Variants in DYRK1A observed in about 807,000 individuals in gnomAD.
DYRK1A encodes dual specificity tyrosine phosphorylation regulated kinase 1A.
Under a neutral mutation model 79.7 loss-of-function variants are expected in DYRK1A, and 9 were observed. That is an observed-to-expected ratio of 0.11 (90% CI 0.07 to 0.20). The LOEUF (loss-of-function observed/expected upper bound fraction) is 0.20. Ranked by LOEUF, DYRK1A falls within the 10% of genes least tolerant of loss-of-function variation. DYRK1A has a pLI of 1.00. For missense variants in DYRK1A, 622 were observed against 956.0 expected (o/e 0.65, Z 4.61); for synonymous variants, 349 against 329.7 (o/e 1.06, Z -0.63).
rs1283338502 is a variant in DYRK1A at position 37,521,994 on chromosome 21, T to C, written c.*9463T>C. ...GGGCCTGGGAATGGCCAATTTCTGG[T>C]CATTCTCATATAGGCAACTGATGGC... On this transcript the variant is annotated 3_prime_UTR_variant, in exon 12 of 12. Transcript: ENST00000647188. 1 of 152,190 alleles carries C rather than the reference T, an allele frequency of 6.6e-6. No individual in the cohort carries two copies. Among genetic ancestry groups the C allele is most frequent in the Non-Finnish European group, 1.5e-5 (1 of 68,078 alleles). 9.4% of individuals were successfully genotyped at this position (152,190 alleles called of 1,614,324 possible).
intron 1 of DYRK1A, among the ~76,000 whole-genome samples, chr21:37,407,598 A>G (rs1437405382): frequency 6.6e-6 from 1 of 152,204 alleles, no homozygotes; most frequent in Non-Finnish European, 1.5e-5. Flanking sequence ...CACTTTCCAC[A>G]TTTGATAAAG....
rs767564576 is a variant in DYRK1A at position 37,519,087 on chromosome 21, C to T, written c.*6556C>T. On this transcript the variant is annotated 3_prime_UTR_variant, in exon 12 of 12. Transcript: ENST00000647188. ...ACAGTTTGTTCCTTTTTGTTGTCTT[C>T]CCTTGTGGAGATGGGTCAGTGTAAC... 2.0e-5 allele frequency: 3 copies of T among 152,156 alleles called. No homozygotes were observed. The highest frequency in any genetic ancestry group is 4.4e-5 in the Non-Finnish European group (3 of 68,034). The allele number at this position is 152,156 out of a possible 1,614,324, so 9.4% of individuals were successfully genotyped here.
rs1450336361 is a variant in DYRK1A, at chr21:37,512,186, C to T, written c.1920C>T (p.Gly640=). The change falls in exon 12 of 12, where the codon GGC becomes GGT. Residue 640 remains glycine (G), a synonymous_variant. Coordinates refer to ENST00000647188, the MANE Select transcript of DYRK1A (RefSeq NM_001347721.2). ...CTACCCAAGATTCTATGGAGGTTGG[C>T]CACAGTCACCACTCCATGACATCCC... ...SSSTQDSMEV[G]HSHHSMTSLS... 3.1e-6 allele frequency: 5 copies of T among 1,614,196 alleles called. No individual in the cohort carries two copies. The highest frequency in any genetic ancestry group is 4.2e-6 in the Non-Finnish European group (5 of 1,180,024).
chr21:37,447,284 A>C (rs2051304321), intron 2 of DYRK1A, among the ~76,000 whole-genome samples: 1 of 152,130 alleles, frequency 6.6e-6, no homozygotes, highest in Non-Finnish European at 1.5e-5. Flanking sequence ...GGGGAAAGTG[A>C]CAATGACACA....
At chr21:37,483,757 T>C (rs1338311187) in intron 5 of DYRK1A, among the ~76,000 whole-genome samples, 2 of 151,884 alleles carry the variant, frequency 1.3e-5, no homozygotes, top group Non-Finnish European at 2.9e-5. Flanking sequence ...TAATTTGTTG[T>C]TTTTTTGTAG....
At chr21:37,399,839 A>C (rs2050022320) in intron 1 of DYRK1A, among the ~76,000 whole-genome samples, 4 of 152,218 alleles carry the variant, frequency 2.6e-5, no homozygotes, top group Non-Finnish European at 5.9e-5. Flanking sequence ...TAAGAATACA[A>C]ACACAGGTTG....
intron 1 of DYRK1A, among the ~76,000 whole-genome samples, chr21:37,404,997 T>TA (rs979563748): frequency 2.8e-4 from 43 of 152,228 alleles, no homozygotes; most frequent in African/African-American, 1.0e-3. Flanking sequence ...GTTTTGCTCT[T>TA]ACGGCATGTA....
At chr21:37,499,002 G>A (rs752675727) in intron 9 of DYRK1A, among the ~76,000 whole-genome samples, 1 of 152,040 alleles carries the variant, frequency 6.6e-6, no homozygotes, top group Non-Finnish European at 1.5e-5. Flanking sequence ...TAATTGAGTA[G>A]TCCTTTGTCA....
intron 1 of DYRK1A, among the ~76,000 whole-genome samples, chr21:37,380,697 C>G (rs1184086553): frequency 6.6e-6 from 1 of 151,266 alleles, no homozygotes; most frequent in Non-Finnish European, 1.5e-5. Context: ...GGGATTTAAG[C>G]AAATAGATGA....
chr21:37,440,313 T>C (rs994002571), intron 2 of DYRK1A, among the ~76,000 whole-genome samples: 3 of 151,578 alleles, frequency 2.0e-5, no homozygotes, highest in Admixed American at 2.0e-4. Flanking sequence ...TTTTTTGTAT[T>C]TTTAGTAGAG....
intron 1 of DYRK1A, among the ~76,000 whole-genome samples, chr21:37,386,420 C>T (rs2049761648): frequency 6.6e-6 from 1 of 152,146 alleles, no homozygotes; most frequent in African/African-American, 2.4e-5. Flanking sequence ...ACGTCGGGGC[C>T]TTCATGGACG....
chr21:37,422,226 A>G lies in DYRK1A; in HGVS notation c.10+1842A>G, dbSNP rs141048045. ...GGAAAAAACCCAGGAAAGAAGATCT[A>G]GCTGTCTAATAAATATATTAGCTGT... On this transcript the variant is annotated intron_variant, in intron 2 of 11. Transcript: ENST00000647188. Among the ~76,000 whole-genome samples, 1,298 of 152,294 alleles carry G rather than the reference A, an allele frequency of 8.5e-3. 14 individuals carry two copies. The highest frequency in any genetic ancestry group is 0.019 in the South Asian group (94 of 4,828).
At chr21:37,370,615 A>G (rs183859799) in intron 1 of DYRK1A, among the ~76,000 whole-genome samples, 8 of 152,320 alleles carry the variant, frequency 5.3e-5, no homozygotes, top group African/African-American at 1.7e-4. Flanking sequence ...CCTCCCCAAG[A>G]AAAAACTTAT....
At chr21:37,502,943 T>A (rs1220202828) in intron 9 of DYRK1A, 13 of 152,192 alleles carry the variant, frequency 8.5e-5, no homozygotes, top group Non-Finnish European at 1.5e-5. Flanking sequence ...TAAAGATGTA[T>A]TGACTTTTTT....
chr21:37,451,966 C>T (rs903265639), intron 2 of DYRK1A, among the ~76,000 whole-genome samples: 3 of 151,978 alleles, frequency 2.0e-5, no homozygotes, highest in South Asian at 2.1e-4. Flanking sequence ...AAGAGAAGAG[C>T]GAAGAGCTGC....
chr21:37,429,737 G>A (rs762025766), intron 2 of DYRK1A, among the ~76,000 whole-genome samples: 4 of 152,214 alleles, frequency 2.6e-5, no homozygotes, highest in Non-Finnish European at 5.9e-5. Flanking sequence ...GTTAAATTCA[G>A]ACTTGTTCTT....
intron 1 of DYRK1A, among the ~76,000 whole-genome samples, chr21:37,383,832 GGTGTATGTGT>G (rs1049877489): frequency 8.7e-5 from 10 of 115,480 alleles, no homozygotes; most frequent in Admixed American, 7.3e-4. Context: ...GATAGGTAAT[GGTGTATGTGT>G]GTGTGTGTGT....
At chr21:37,495,961 G>C (rs930267007) in intron 8 of DYRK1A, 157 bp from the exon 9 acceptor site, 12 of 609,970 alleles carry the variant, frequency 2.0e-5, no homozygotes, top group African/African-American at 1.9e-4. Context: ...AGGAAGGTAG[G>C]GCCTTTCTTG....
At chr21:37,493,225 A>G (rs2053156287) in intron 8 of DYRK1A, 62 bp downstream of exon 8, 1 of 1,509,302 alleles carries the variant, frequency 6.6e-7, no homozygotes. Flanking sequence ...TTCATCTGTG[A>G]CAGTGTAATT....
Sources: allele counts gnomAD v4.1 joint callset (sites outside exome capture counted in the v4.1 genomes callset), GRCh38; gene constraint gnomAD v4.1.1; transcripts MANE v1.5; gene names NCBI Gene and HGNC (gene_info 2026-07-23, HGNC 2026-07-21).